The following MTREX variants were observed in gnomAD, a reference collection of about 807,000 sequenced individuals.
The protein encoded by MTREX is exosome RNA helicase MTR4.
Under a neutral mutation model 135.4 loss-of-function variants are expected in MTREX, and 76 were observed. The observed-to-expected ratio is 0.56, with a 90% CI of 0.47 to 0.68. MTREX has a LOEUF of 0.68. Among genes scored for constraint, MTREX ranks in the 30% least tolerant of loss-of-function variants. The probability of loss-of-function intolerance (pLI) is 0.00; values close to 1 mark genes in which losing one functional copy is unlikely to be tolerated. For synonymous variants in MTREX, 404 were observed against 401.6 expected, an observed-to-expected ratio of 1.01 and a Z score of -0.07; for missense variants, 920 against 1,262.1, an observed-to-expected ratio of 0.73 and a Z score of 4.11.
At chr5:55,380,122 T>C (rs1446736001) in intron 18 of MTREX, among the ~76,000 whole-genome samples, 2 of 152,034 alleles carry the variant, frequency 1.3e-5, no homozygotes, top group Non-Finnish European at 2.9e-5. Context: ...TTTGTATTTT[T>C]AGTAGAGACG....
chr5:55,358,661 A>C lies in MTREX; in HGVS notation c.1622A>C (p.Glu541Ala), dbSNP rs1749959962. ...GGAATTGTAATTCTTATGGTAGATG[A>C]AAAGATGAGCCCAACAATTGGAAAA... ...DRGIVILMVDEKMSPTIGKQL... is the reference protein window; with the variant it reads ...DRGIVILMVDAKMSPTIGKQL... Residue 541 changes from glutamate to alanine, a missense_variant, in exon 15 of 27, where the codon GAA (glutamate) becomes GCA (alanine). This residue lies in a region of MTREX where 46 missense variants were observed against 116.8 expected (regional missense o/e 0.39). Transcript: ENST00000230640. 1 of 1,604,644 alleles carries C rather than the reference A, an allele frequency of 6.2e-7. No homozygotes were observed. Among genetic ancestry groups the C allele is most frequent in the African/African-American group, 1.3e-5 (1 of 74,488 alleles).
At position 55,416,114 on chromosome 5, in the gene MTREX, A is replaced by C. The variant is rs766358487; in HGVS notation, c.2953A>C (p.Met985Leu). Residue 985 changes from methionine to leucine, a missense_variant, in exon 25 of 27, where the codon ATG (methionine) becomes CTG (leucine). Met to Leu is a conservative substitution (Grantham distance 15). Transcript: ENST00000230640. The stretch of plus-strand genomic sequence containing the variant: ...AGCTACATTTGCCCATATCTGCAAA[A>C]TGACAGATGTCTTTGAAGGTATGGT... The part of the protein sequence containing the change: ...TGATFAHICK[M>L]TDVFEGSIIR... The C allele has an allele frequency of 4.4e-6, 7 of 1,588,078 alleles. No homozygotes were observed. The highest frequency in any genetic ancestry group is 5.1e-6 in the Non-Finnish European group (6 of 1,171,514).
intron 23 of MTREX, among the ~76,000 whole-genome samples, chr5:55,411,882 G>A (rs1480955766): frequency 6.6e-6 from 1 of 152,176 alleles, no homozygotes; most frequent in East Asian, 1.9e-4. Flanking sequence ...TTTGTAAATA[G>A]TTTGGGGATA....
At chr5:55,374,791 T>A (rs577033107) in intron 16 of MTREX, among the ~76,000 whole-genome samples, 2 of 152,334 alleles carry the variant, frequency 1.3e-5, no homozygotes, top group South Asian at 4.1e-4. Flanking sequence ...TGTACCTTCA[T>A]CCCATCTGAC....
At chr5:55,364,456 A>G (rs1419179606) in intron 15 of MTREX, among the ~76,000 whole-genome samples, 1 of 152,178 alleles carries the variant, frequency 6.6e-6, no homozygotes, top group Non-Finnish European at 1.5e-5. Context: ...TCGTTGGGGG[A>G]AAATAAAATG....
At chr5:55,313,788 C>T (rs1377287039) in intron 1 of MTREX, among the ~76,000 whole-genome samples, 1 of 152,148 alleles carries the variant, frequency 6.6e-6, no homozygotes, top group Non-Finnish European at 1.5e-5. Flanking sequence ...CATCCTTGCC[C>T]CTTCTTCCAT....
At chr5:55,390,632 A>G (rs939498097) in intron 19 of MTREX, among the ~76,000 whole-genome samples, 1 of 152,242 alleles carries the variant, frequency 6.6e-6, no homozygotes, top group African/African-American at 2.4e-5. Flanking sequence ...TCCCCTTATC[A>G]TGGCCACGTC....
rs547199282 is a variant in MTREX, at chr5:55,420,185, A to G, written c.2972-2693A>G. On this transcript the variant is annotated intron_variant, in intron 25 of 26. Transcript: ENST00000230640. Reference sequence around the variant, plus strand: ...GTTTAGCGGCAAGTAGTTGCAAGATACATGTGTGATTCTAACCTGAGGCCA... The same window carrying G: ...GTTTAGCGGCAAGTAGTTGCAAGATGCATGTGTGATTCTAACCTGAGGCCA... 9.6e-5 allele frequency among the ~76,000 whole-genome samples: 14 copies of G among 145,828 alleles called. No homozygotes were observed. The South Asian group carries it at 2.9e-3, about 31-fold the overall frequency.
chr5:55,415,757 T>C (rs753467277), intron 24 of MTREX, among the ~76,000 whole-genome samples: 3 of 152,234 alleles, frequency 2.0e-5, no homozygotes, highest in African/African-American at 4.8e-5. Context: ...ACATTTTTCT[T>C]AGTTAACTAC....
chr5:55,326,003 C>T (rs1240620363), intron 3 of MTREX, among the ~76,000 whole-genome samples: 1 of 152,076 alleles, frequency 6.6e-6, no homozygotes, highest in Non-Finnish European at 1.5e-5. Flanking sequence ...TCTTATGTTT[C>T]TTTAGAGGTA....
chr5:55,352,247 G>A (rs1561194675), intron 13 of MTREX, among the ~76,000 whole-genome samples: 1 of 152,022 alleles, frequency 6.6e-6, no homozygotes, highest in Non-Finnish European at 1.5e-5. Flanking sequence ...GAGAACCTCA[G>A]CACTAAGTAA....
chr5:55,384,731 C>G (rs935477712), intron 18 of MTREX, among the ~76,000 whole-genome samples: 2 of 152,120 alleles, frequency 1.3e-5, no homozygotes, highest in African/African-American at 4.8e-5. Context: ...CCTCTTACCC[C>G]CTATAGTATG....
At chr5:55,366,989 C>A in intron 16 of MTREX, 114 bp downstream of exon 16, 1 of 739,154 alleles carries the variant, frequency 1.4e-6, no homozygotes, top group Non-Finnish European at 2.2e-6. Context: ...TTGGTTCATA[C>A]GTAATGGACT....
intron 2 of MTREX, 123 bp downstream of exon 2, chr5:55,322,587 T>G (rs1561185829): frequency 1.4e-6 from 1 of 693,654 alleles, no homozygotes; most frequent in East Asian, 2.9e-5. Context: ...AAGATATTCT[T>G]TCTATTTTTA....
intron 1 of MTREX, among the ~76,000 whole-genome samples, chr5:55,309,800 A>G (rs561497295): frequency 6.6e-6 from 1 of 152,334 alleles, no homozygotes; most frequent in East Asian, 1.9e-4. Flanking sequence ...AGTAAGTGAC[A>G]CAACACAGAA....
intron 1 of MTREX, among the ~76,000 whole-genome samples, chr5:55,321,481 C>G (rs1391573536): frequency 6.6e-6 from 1 of 151,788 alleles, no homozygotes; most frequent in African/African-American, 2.4e-5. Flanking sequence ...ATTTTATCTT[C>G]TAGATTCTTT....
chr5:55,358,715 T>C lies in MTREX; in HGVS notation c.1659+17T>C. The stretch of plus-strand genomic sequence containing the variant: ...TTACTTAAGGTAACTACATTAAGAT[T>C]GTGTACCTTTACCAAGAATTCCAGA... On this transcript the variant is annotated intron_variant, in intron 15 of 26. Coordinates refer to ENST00000230640, the MANE Select transcript of MTREX (RefSeq NM_015360.5). 1.9e-6 allele frequency: 3 copies of C among 1,567,656 alleles called. No homozygotes were observed. Among genetic ancestry groups the C allele is most frequent in the Non-Finnish European group, 2.6e-6 (3 of 1,164,650 alleles).
At chr5:55,402,832 GTGTGTGTGTATGTGTATGTA>G (rs1200151047) in intron 21 of MTREX, among the ~76,000 whole-genome samples, 13 of 96,874 alleles carry the variant, frequency 1.3e-4, no homozygotes, top group African/African-American at 3.6e-4. Flanking sequence ...ATGTGTGTGT[GTGTGTGTGTATGTGTATGTA>G]TGTGTGTGTG....
At chr5:55,360,572 A>G (rs1467728416) in intron 15 of MTREX, among the ~76,000 whole-genome samples, 1 of 152,152 alleles carries the variant, frequency 6.6e-6, no homozygotes, top group African/African-American at 2.4e-5. Flanking sequence ...TCCCACAAGC[A>G]TTATATGAGG....
Sources: allele counts gnomAD v4.1 joint callset (sites outside exome capture counted in the v4.1 genomes callset), GRCh38; gene constraint gnomAD v4.1.1; regional missense constraint gnomAD v4.1.1; transcripts MANE v1.5; gene names NCBI Gene and HGNC (gene_info 2026-07-23, HGNC 2026-07-21).